Variants in TP53BP1 observed in about 807,000 individuals in gnomAD.
TP53BP1 encodes the protein TP53-binding protein 1.
Under a neutral mutation model 200.8 loss-of-function variants are expected in TP53BP1, and 61 were observed. The observed-to-expected ratio is 0.30, with a 90% CI of 0.25 to 0.38. The LOEUF is 0.38. TP53BP1 is among the 10% of genes least tolerant of loss of function. TP53BP1 has a pLI of 1.00. For missense variants in TP53BP1, 2,144 were observed against 2,371.9 expected, an observed-to-expected ratio of 0.90 and a Z score of 2.00; for synonymous variants, 822 against 844.3, an observed-to-expected ratio of 0.97 and a Z score of 0.46.
At chr15:43,451,414 T>C (rs992489254) in intron 12 of TP53BP1, among the ~76,000 whole-genome samples, 1 of 150,670 alleles carries the variant, frequency 6.6e-6, no homozygotes, top group African/African-American at 2.4e-5. Context: ...TATTCCCATC[T>C]ATGAGTGAGA....
In TP53BP1 at chr15:43,453,542, T is replaced by TAA. The variant is rs11417392; in HGVS notation, c.2716+2348_2716+2349dup. Among the ~76,000 whole-genome samples the TAA allele has an allele frequency of 8.1e-4, 119 of 147,408 alleles. 1 individual carries two copies. The highest frequency in any genetic ancestry group is 3.5e-3 in the Middle Eastern group (1 of 282). ...GCTCTAACATTTCTTATTCTTAAGATAAAAAAAAAGTGCTAAATATAAAAG... is the reference window on the plus strand; with the variant it reads ...GCTCTAACATTTCTTATTCTTAAGATAAAAAAAAAAAGTGCTAAATATAAAAG... On this transcript the variant is annotated intron_variant, in intron 12 of 27. Coordinates refer to ENST00000382044, the MANE Select transcript of TP53BP1 (RefSeq NM_001141980.3).
At chr15:43,427,613 T>C (rs570685705) in intron 18 of TP53BP1, among the ~76,000 whole-genome samples, 1 of 152,312 alleles carries the variant, frequency 6.6e-6, no homozygotes, top group African/African-American at 2.4e-5. Context: ...AACAAAGTGT[T>C]GCACAGGAAA....
At chr15:43,490,398 TTC>T (rs1491262022) in intron 4 of TP53BP1, among the ~76,000 whole-genome samples, 2 of 151,940 alleles carry the variant, frequency 1.3e-5, no homozygotes, top group East Asian at 3.9e-4. Context: ...CTTTTTTTTT[TTC>T]TTTTGTAGAG....
At chr15:43,423,965 T>C (rs1308962301) in intron 18 of TP53BP1, among the ~76,000 whole-genome samples, 1 of 152,160 alleles carries the variant, frequency 6.6e-6, no homozygotes, top group African/African-American at 2.4e-5. Context: ...ACCACACTCA[T>C]CCTTACCTCG....
At position 43,404,824 on chromosome 15, in the gene TP53BP1, C is replaced by T; in HGVS notation, c.*2559G>A. The T allele has an allele frequency of 2.1e-6, 1 of 479,806 alleles. No homozygotes were observed. Among genetic ancestry groups the T allele is most frequent in the South Asian group, 3.0e-5 (1 of 32,942 alleles). 29.7% of individuals were successfully genotyped at this position (479,806 alleles called of 1,614,324 possible). Reference sequence around the variant, plus strand: ...ATTGCTATGCTGGGAGGCAGTGGGCCTTCCACTCCCAATTCTGATATGAAC... The same window carrying T: ...ATTGCTATGCTGGGAGGCAGTGGGCTTTCCACTCCCAATTCTGATATGAAC... On this transcript the variant is annotated 3_prime_UTR_variant, in exon 28 of 28. Coordinates refer to ENST00000382044, the MANE Select transcript of TP53BP1 (RefSeq NM_001141980.3).
intron 11 of TP53BP1, among the ~76,000 whole-genome samples, chr15:43,466,459 T>C (rs2046583010): frequency 6.6e-6 from 1 of 152,262 alleles, no homozygotes; most frequent in African/African-American, 2.4e-5. Flanking sequence ...TAATATGTCA[T>C]AGGCTCTGCT....
chr15:43,424,021 G>GTC (rs1297834409), intron 18 of TP53BP1, among the ~76,000 whole-genome samples: 1 of 151,948 alleles, frequency 6.6e-6, no homozygotes, highest in African/African-American at 2.4e-5. Context: ...ATTTCTACTA[G>GTC]TCTTCCCCTT....
intron 16 of TP53BP1, 87 bp downstream of exon 16, chr15:43,438,237 A>G: frequency 8.7e-7 from 1 of 1,143,282 alleles, no homozygotes; most frequent in Non-Finnish European, 1.3e-6. Flanking sequence ...CCACATTCAA[A>G]CCACAGCACA....
chr15:43,464,496 G>A (rs2046517710), intron 11 of TP53BP1, among the ~76,000 whole-genome samples: 1 of 152,098 alleles, frequency 6.6e-6, no homozygotes, highest in Non-Finnish European at 1.5e-5. Context: ...GTCCATAAAT[G>A]TACATAGCAG....
chr15:43,430,059 T>C (rs1038568147), intron 17 of TP53BP1, among the ~76,000 whole-genome samples: 1 of 152,160 alleles, frequency 6.6e-6, no homozygotes, highest in African/African-American at 2.4e-5. Context: ...CAGAAAACTA[T>C]GTTTACTCAC....
chr15:43,482,638 C>T (rs566558400), intron 4 of TP53BP1, among the ~76,000 whole-genome samples: 130 of 152,038 alleles, frequency 8.6e-4, no homozygotes, highest in Non-Finnish European at 1.5e-3. Context: ...CGTGGTGGCA[C>T]GCACCTGTAG....
chr15:43,416,390 A>G lies in TP53BP1; in HGVS notation c.4708T>C (p.Ser1570Pro). ...TCAATGCTGTAGTACAGTTCCCCAG[A>G]CTCCTTCCTATGTCCTTTCACCACT... ...AGVVKGHRKE[S>P]GELYYSIEKE... is the part of the protein sequence containing the mutation. The change falls in exon 22 of 28, where the codon TCT becomes CCT. Residue 1570 changes from serine (S) to proline (P), a missense_variant. By Grantham distance (74) the Ser-to-Pro change is moderately conservative. This residue lies in a region of TP53BP1 where 61 missense variants were observed against 147.5 expected (regional missense o/e 0.41). Coordinates refer to ENST00000382044, the MANE Select transcript of TP53BP1 (RefSeq NM_001141980.3). 1 of 1,613,586 alleles carries G rather than the reference A, an allele frequency of 6.2e-7. No homozygotes were observed. The highest frequency in any genetic ancestry group is 8.5e-7 in the Non-Finnish European group (1 of 1,179,840).
rs747276139 is a variant in TP53BP1 at position 43,456,952 on chromosome 15, A to C, written c.1656T>G (p.Asp552Glu). ...DEDGENTQIEDTEPMSPVLNS... is the reference protein window; with the variant it reads ...DEDGENTQIEETEPMSPVLNS... ...TGAGAACTGGAGACATGGGTTCCGT[A>C]TCCTCAATCTGTGTGTTTTCTCCAT... The change falls in exon 12 of 28, where the codon GAT (aspartate) becomes GAG (glutamate). Residue 552 changes from aspartate to glutamate, a missense_variant. By Grantham distance (45) the Asp-to-Glu change is conservative. This residue lies in a region of TP53BP1 where 1,700 missense variants were observed against 1,710.3 expected (regional missense o/e 0.99). Transcript: ENST00000382044. 6.2e-7 allele frequency: 1 copy of C among 1,614,200 alleles called. No homozygotes were observed. Among genetic ancestry groups the C allele is most frequent in the Non-Finnish European group, 8.5e-7 (1 of 1,180,028 alleles).
chr15:43,428,217 C>T (rs1476731542), intron 17 of TP53BP1, 49 bp from the exon 18 acceptor site: 1 of 1,516,232 alleles, frequency 6.6e-7, no homozygotes, highest in African/African-American at 1.4e-5. Flanking sequence ...TGCAAGCTGT[C>T]AAAATCACAA....
rs2079131592 is a variant in TP53BP1 at position 43,492,055 on chromosome 15, C to T, written c.233G>A (p.Arg78Gln). The T allele has an allele frequency of 1.9e-6, 3 of 1,614,064 alleles. No homozygotes were observed. Among genetic ancestry groups the T allele is most frequent in the East Asian group, 2.2e-5 (1 of 44,866 alleles). The stretch of plus-strand genomic sequence containing the variant: ...ATTGAACCCACTATTACCGTCTCCT[C>T]GTTCTTCTCCAGCTGTTTGTTCAGG... ...SNPEQTAGEE[R>Q]GDGNSGFNEH... The change falls in exon 3 of 28, where the codon CGA becomes CAA. Residue 78 changes from arginine (R) to glutamine (Q), a missense_variant. By Grantham distance (43) the Arg-to-Gln change is conservative. Coordinates refer to ENST00000382044, the MANE Select transcript of TP53BP1 (RefSeq NM_001141980.3).
At chr15:43,465,419 T>C (rs572228854) in intron 11 of TP53BP1, among the ~76,000 whole-genome samples, 3 of 152,192 alleles carry the variant, frequency 2.0e-5, no homozygotes, top group African/African-American at 7.2e-5. Flanking sequence ...ACTGTTTTTT[T>C]AATGATTGAA....
chr15:43,487,621 C>T (rs1450758119), intron 4 of TP53BP1, among the ~76,000 whole-genome samples: 2 of 151,838 alleles, frequency 1.3e-5, no homozygotes, highest in African/African-American at 2.4e-5. Context: ...GGTGAAATCC[C>T]GCCTCTACTA....
At chr15:43,497,775 G>A (rs2079189832), upstream of TP53BP1, among the ~76,000 whole-genome samples, 1 of 152,162 alleles carries the variant, frequency 6.6e-6, no homozygotes, top group Admixed American at 6.5e-5. Context: ...CTTCAGTTTG[G>A]GAAGATGAAA....
chr15:43,447,488 G>GAAAAAAAAAAAAAAAAAGAAAAAAAAAA lies in TP53BP1; in HGVS notation c.2717-4_2717-3insTTTTTTTTTTCTTTTTTTTTTTTTTTTT. On this transcript the variant is annotated splice_region_variant and splice_polypyrimidine_tract_variant and intron_variant, in intron 12 of 27. Coordinates refer to ENST00000382044, the MANE Select transcript of TP53BP1 (RefSeq NM_001141980.3). The stretch of plus-strand genomic sequence containing the variant: ...CAAAGTGAAATGAAATGGGGTTTCT[G>GAAAAAAAAAAAAAAAAAGAAAAAAAAAA]AAAAAAAAAAAAAAAAGAAAAAAGA... 1.0e-6 allele frequency: 1 copy of GAAAAAAAAAAAAAAAAAGAAAAAAAAAA among 954,474 alleles called. No homozygotes were observed. The highest frequency in any genetic ancestry group is 1.3e-6 in the Non-Finnish European group (1 of 744,338). 59.1% of individuals were successfully genotyped at this position (954,474 alleles called of 1,614,324 possible). A position where few individuals can be genotyped will look rare whatever the true frequency, so the allele number is the denominator to read the frequency against.
Sources: allele counts gnomAD v4.1 joint callset (sites outside exome capture counted in the v4.1 genomes callset), GRCh38; gene constraint gnomAD v4.1.1; regional missense constraint gnomAD v4.1.1; transcripts MANE v1.5; gene names NCBI Gene and HGNC (gene_info 2026-07-23, HGNC 2026-07-21).